Variants in TTC39C observed in about 807,000 individuals in gnomAD.
TTC39C encodes tetratricopeptide repeat domain 39C.
A neutral mutation model predicts 76.3 loss-of-function variants in TTC39C; 33 were observed. The observed-to-expected ratio is 0.43, with a 90% CI of 0.33 to 0.58. The LOEUF is 0.58. Among genes scored for constraint, TTC39C ranks in the 20% least tolerant of loss-of-function variants. TTC39C has a pLI of 0.04. For synonymous variants in TTC39C, 254 were observed against 260.6 expected, an observed-to-expected ratio of 0.97 and a Z score of 0.24; for missense variants, 595 against 701.4, an observed-to-expected ratio of 0.85 and a Z score of 1.71.
rs571666303 is a variant in TTC39C, at chr18:24,113,729, C to T, written c.985-825C>T. 11 of 700,976 alleles carry T rather than the reference C, an allele frequency of 1.6e-5. No individual in the cohort carries two copies. In the South Asian group the frequency reaches 1.6e-4, roughly 10 times the overall value. 43.4% of individuals were successfully genotyped at this position (700,976 alleles called of 1,614,324 possible). A position where few individuals can be genotyped will look rare whatever the true frequency, so the allele number is the denominator to read the frequency against. ...ACTGATGCTTTGAATCCTGATCATG[C>T]TTTTGAGCTGCTCCTCTTGGGTACT... On this transcript the variant is annotated intron_variant, in intron 6 of 13. Transcript: ENST00000317571.
At chr18:24,101,088 A>G (rs1599325875) in intron 6 of TTC39C, among the ~76,000 whole-genome samples, 1 of 152,204 alleles carries the variant, frequency 6.6e-6, no homozygotes, top group African/African-American at 2.4e-5. Flanking sequence ...TCGGTAGAAC[A>G]TACTTTGGGA....
At chr18:24,096,543 A>C (rs991985808) in intron 6 of TTC39C, among the ~76,000 whole-genome samples, 5 of 152,174 alleles carry the variant, frequency 3.3e-5, no homozygotes, top group Non-Finnish European at 5.9e-5. Context: ...ATGTTTAAAA[A>C]CTATCTTACT....
At chr18:24,028,047 A>G (rs9949873) in intron 1 of TTC39C, among the ~76,000 whole-genome samples, 152,228 of 152,314 alleles carry the variant, frequency 1, 76,071 homozygotes, top group Non-Finnish European at 1. Flanking sequence ...TCTATTTTTG[A>G]TTATTTCTGT....
intron 6 of TTC39C, among the ~76,000 whole-genome samples, chr18:24,112,414 C>T (rs761270968): frequency 1.4e-4 from 22 of 152,206 alleles, no homozygotes; most frequent in South Asian, 6.2e-4. Flanking sequence ...CTTGACCAAG[C>T]TCCTTAACTT....
At chr18:24,023,967 T>TATATACGTATATATATATATATACACAC (rs2083554027) in intron 1 of TTC39C, among the ~76,000 whole-genome samples, 1 of 17,746 alleles carries the variant, frequency 5.6e-5, no homozygotes, top group African/African-American at 1.7e-4. Context: ...TATATATATA[T>TATATACGTATATATATATATATACACAC]ATATATATAT....
chr18:24,001,926 C>T (rs1599222726), intron 1 of TTC39C, among the ~76,000 whole-genome samples: 1 of 146,752 alleles, frequency 6.8e-6, no homozygotes, highest in Non-Finnish European at 1.5e-5. Flanking sequence ...CCCGGGTTCA[C>T]GCCATTCTCC....
upstream of TTC39C, among the ~76,000 whole-genome samples, chr18:24,012,430 A>C (rs912120384): frequency 3.3e-5 from 5 of 152,182 alleles, no homozygotes; most frequent in Non-Finnish European, 5.9e-5. Flanking sequence ...TTCTTGAGAC[A>C]GAACTAGCCC....
intron 1 of TTC39C, among the ~76,000 whole-genome samples, chr18:24,025,458 T>C (rs2083587928): frequency 6.6e-6 from 1 of 152,252 alleles, no homozygotes; most frequent in Non-Finnish European, 1.5e-5. Flanking sequence ...TTTTCCATAA[T>C]TGTAAACAAA....
intron 6 of TTC39C, among the ~76,000 whole-genome samples, chr18:24,093,522 AT>A (rs1354783571): frequency 1.3e-5 from 2 of 151,744 alleles, no homozygotes; most frequent in Admixed American, 6.6e-5. Context: ...TTTCTGTATG[AT>A]TTTATACAAT....
upstream of TTC39C, chr18:24,014,582 G>T: frequency 3.8e-6 from 1 of 264,058 alleles, no homozygotes; most frequent in Non-Finnish European, 6.8e-6. Context: ...TCCGCTTCGG[G>T]GCCCGCGCGA....
At position 24,109,989 on chromosome 18, in the gene TTC39C, C is replaced by G. The variant is rs143736354; in HGVS notation, c.985-4565C>G. Among the ~76,000 whole-genome samples, 9 of 152,126 alleles carry G rather than the reference C, an allele frequency of 5.9e-5. No homozygotes were observed. The East Asian group carries it at 1.7e-3, about 29-fold the overall frequency. Reference sequence around the variant, plus strand: ...TCACGCCACTGCACTCAAGCCTGCACAACAGAGTAAGACTCTGTCTCAAAA... The same window carrying G: ...TCACGCCACTGCACTCAAGCCTGCAGAACAGAGTAAGACTCTGTCTCAAAA... On this transcript the variant is annotated intron_variant, in intron 6 of 13. Transcript: ENST00000317571.
intron 1 of TTC39C, among the ~76,000 whole-genome samples, chr18:24,058,500 C>T (rs2084046526): frequency 6.6e-6 from 1 of 151,916 alleles, no homozygotes; most frequent in Non-Finnish European, 1.5e-5. Flanking sequence ...ACTAAAAATA[C>T]AAAAATTAGC....
At chr18:24,051,245 G>A (rs891163454) in intron 1 of TTC39C, among the ~76,000 whole-genome samples, 2 of 152,212 alleles carry the variant, frequency 1.3e-5, no homozygotes, top group Non-Finnish European at 2.9e-5. Context: ...CAGGCTAACA[G>A]CTTCACTGAT....
chr18:24,011,222 G>A (rs2083391505), upstream of TTC39C, among the ~76,000 whole-genome samples: 1 of 152,164 alleles, frequency 6.6e-6, no homozygotes, highest in Admixed American at 6.5e-5. Context: ...CCAGGTCCTG[G>A]AGCAGACCCT....
intron 1 of TTC39C, among the ~76,000 whole-genome samples, chr18:24,058,787 C>T (rs2084051573): frequency 6.6e-6 from 1 of 152,186 alleles, no homozygotes; most frequent in African/African-American, 2.4e-5. Context: ...CTCACTAACG[C>T]TTGATATTGT....
chr18:23,997,694 G>GA (rs928654871), intron 1 of TTC39C, among the ~76,000 whole-genome samples: 1 of 150,106 alleles, frequency 6.7e-6, no homozygotes, highest in South Asian at 2.1e-4. Flanking sequence ...AAGAAAGAAA[G>GA]AAAGAAAGAA....
intron 1 of TTC39C, chr18:24,016,517 G>A (rs2145644086): frequency 2.5e-6 from 1 of 393,796 alleles, no homozygotes; most frequent in East Asian, 3.6e-5. Flanking sequence ...GTACTTGCAT[G>A]TTTAAGTACT....
chr18:24,079,352 C>G (rs2084347573), intron 4 of TTC39C, among the ~76,000 whole-genome samples: 1 of 152,162 alleles, frequency 6.6e-6, no homozygotes, highest in Admixed American at 6.5e-5. Context: ...ACAGTAGGGT[C>G]CTGACAGGGG....
chr18:24,038,868 A>T (rs2083760583), intron 1 of TTC39C, among the ~76,000 whole-genome samples: 1 of 151,992 alleles, frequency 6.6e-6, no homozygotes, highest in Non-Finnish European at 1.5e-5. Flanking sequence ...AGAGAGTGAG[A>T]TGTCTTCCTT....
Sources: gnomAD v4.1 joint callset for allele counts (sites outside exome capture counted in the v4.1 genomes callset) on GRCh38, gnomAD v4.1.1 for gene constraint, MANE v1.5 for transcripts, NCBI Gene and HGNC (gene_info 2026-07-23, HGNC 2026-07-21) for gene names.